CPSF4: variants seen among roughly 807,000 people sequenced by gnomAD.
The protein encoded by CPSF4 is cleavage and polyadenylation specific factor 4.
CPSF4 carries 11 observed loss-of-function variants against 37.7 expected under a neutral mutation model. The ratio of observed to expected loss-of-function variants is 0.29; its 90% CI spans 0.18 to 0.48. The LOEUF (loss-of-function observed/expected upper bound fraction) is 0.48. CPSF4 is among the 20% of genes least tolerant of loss of function. The pLI, the probability that CPSF4 is intolerant of heterozygous loss-of-function variation, is 0.99. For synonymous variants in CPSF4, 132 were observed against 135.9 expected (o/e 0.97, Z 0.20); for missense variants, 144 against 359.5 (o/e 0.40, Z 4.85).
At chr7:99,454,674 A>G (rs1010120034) in intron 7 of CPSF4, among the ~76,000 whole-genome samples, 3 of 152,102 alleles carry the variant, frequency 2.0e-5, no homozygotes, top group African/African-American at 7.2e-5. Context: ...TGATAGTTTG[A>G]CGTTATTAAT....
chr7:99,442,670 AAAAAAC>A (rs1797115223), intron 1 of CPSF4, among the ~76,000 whole-genome samples: 4 of 144,082 alleles, frequency 2.8e-5, no homozygotes, highest in South Asian at 4.2e-4. Flanking sequence ...AAAAAAAAAA[AAAAAAC>A]AAAAAACAAG....
At chr7:99,444,886 ACCT>A in intron 2 of CPSF4, 47 bp downstream of exon 2, 1 of 1,548,718 alleles carries the variant, frequency 6.5e-7, no homozygotes, top group Non-Finnish European at 8.9e-7. Flanking sequence ...GCGCCCTCCC[ACCT>A]CCTTCTCCCC....
intron 6 of CPSF4, 23 bp downstream of exon 6, chr7:99,452,463 G>A (rs373719941): frequency 2.5e-6 from 4 of 1,604,018 alleles, no homozygotes; most frequent in East Asian, 4.5e-5. Flanking sequence ...GCCTTCCTCG[G>A]TAGGAAGGAA....
At chr7:99,450,519 G>C (rs949845232) in intron 4 of CPSF4, 148 bp downstream of exon 4, 2 of 743,942 alleles carry the variant, frequency 2.7e-6, no homozygotes, top group African/African-American at 3.5e-5. Context: ...CATCTCCCTT[G>C]CCTCTCCCAA....
intron 1 of CPSF4, among the ~76,000 whole-genome samples, chr7:99,444,188 G>A (rs1223729475): frequency 6.6e-6 from 1 of 152,112 alleles, no homozygotes; most frequent in Non-Finnish European, 1.5e-5. Context: ...AGGCACTTTG[G>A]CTCAACGCCT....
At chr7:99,455,496 C>T (rs987482366) in intron 7 of CPSF4, among the ~76,000 whole-genome samples, 1 of 152,162 alleles carries the variant, frequency 6.6e-6, no homozygotes, top group African/African-American at 2.4e-5. Context: ...GTCAGGAGTT[C>T]GAGACCATCC....
chr7:99,450,647 C>T (rs1481592322), intron 4 of CPSF4, 55 bp from the exon 5 acceptor site: 1 of 1,386,274 alleles, frequency 7.2e-7, no homozygotes, highest in African/African-American at 1.4e-5. Context: ...AACCATGCTC[C>T]AGCTCTCTAA....
chr7:99,441,328 T>C (rs1373000423), intron 1 of CPSF4: 3 of 446,164 alleles, frequency 6.7e-6, no homozygotes, highest in African/African-American at 6.0e-5. Flanking sequence ...CTCCCACCCT[T>C]CTGCCATCTG....
At position 99,439,315 on chromosome 7, in the gene CPSF4, C is replaced by T. The variant is rs73711278; in HGVS notation, c.103+130C>T. The T allele has an allele frequency of 1.5e-3, 953 of 634,652 alleles. 12 individuals are homozygous for T. The African/African-American group carries it at 0.016, about 11-fold the overall frequency. 39.3% of individuals were successfully genotyped at this position (634,652 alleles called of 1,614,324 possible). ...TTCCTCTGGATCCTGGGACCCCTCC[C>T]CTTTGGTCGCAGGACTCCTCCCTCT... On this transcript the variant is annotated intron_variant, in intron 1 of 7. Transcript: ENST00000292476.
At chr7:99,446,107 A>T (rs1453821693) in intron 2 of CPSF4, among the ~76,000 whole-genome samples, 1 of 152,242 alleles carries the variant, frequency 6.6e-6, no homozygotes, top group African/African-American at 2.4e-5. Flanking sequence ...CCACTGAGGT[A>T]GGAGACTTTC....
intron 1 of CPSF4, among the ~76,000 whole-genome samples, chr7:99,442,385 T>C (rs947070561): frequency 2.0e-5 from 3 of 151,810 alleles, no homozygotes; most frequent in South Asian, 2.1e-4. Context: ...GGCCGGGCGT[T>C]GTGGCTCACA....
intron 2 of CPSF4, among the ~76,000 whole-genome samples, chr7:99,446,821 C>CTTTTTTTTTT (rs1797543686): frequency 2.7e-5 from 2 of 73,558 alleles, no homozygotes; most frequent in Non-Finnish European, 4.8e-5. Context: ...CGGAGTTTTG[C>CTTTTTTTTTT]TCTTGTTGCC....
intron 2 of CPSF4, among the ~76,000 whole-genome samples, chr7:99,445,444 G>A (rs34181258): frequency 7.1e-4 from 108 of 151,934 alleles, no homozygotes; most frequent in Non-Finnish European, 6.0e-4. Context: ...TTATTTGCTC[G>A]TCTCCAAACC....
At chr7:99,450,917 T>G (rs1584508731) in intron 5 of CPSF4, 122 bp downstream of exon 5, 1 of 692,152 alleles carries the variant, frequency 1.4e-6, no homozygotes, top group South Asian at 1.7e-5. Flanking sequence ...GGGCCAAGGG[T>G]GGGGGCAGGA....
chr7:99,440,942 CCTGT>C (rs1440217316), intron 1 of CPSF4, among the ~76,000 whole-genome samples: 1 of 148,194 alleles, frequency 6.7e-6, no homozygotes, highest in African/African-American at 2.5e-5. Flanking sequence ...GTGGCCTTTT[CCTGT>C]CTTTTTTTTT....
chr7:99,450,328 G>A lies in CPSF4; in HGVS notation c.360G>A (p.Lys120=). 1 of 1,613,996 alleles carries A rather than the reference G, an allele frequency of 6.2e-7. No individual in the cohort carries two copies. The highest frequency in any genetic ancestry group is 8.5e-7 in the Non-Finnish European group (1 of 1,179,960). The part of the protein sequence containing the change: ...CPFLHIDPES[K]IKDCPWYDRG... ...TCCTGCACATCGACCCCGAGTCCAA[G>A]ATCAAGGACTGTCCTTGGTATGACC... The change falls in exon 4 of 8, where the codon AAG becomes AAA. Residue 120 remains lysine (K), a synonymous_variant. Coordinates refer to ENST00000292476, the MANE Select transcript of CPSF4 (RefSeq NM_006693.4).
In CPSF4 at chr7:99,450,743, G is replaced by A. The variant is rs182798242; in HGVS notation, c.445G>A (p.Val149Met). The change falls in exon 5 of 8, where the codon GTG (valine) becomes ATG (methionine). Residue 149 changes from valine to methionine, a missense_variant. By Grantham distance (21) the Val-to-Met change is conservative (BLOSUM62 1). Around this residue, in one of 4 missense-constraint regions of CPSF4, gnomAD observed 86 missense variants for 141.5 expected, o/e 0.61. Transcript: ENST00000292476. ...RHRHTRRVIC[V>M]NYLVGFCPEG... is the part of the protein sequence containing the mutation. ...CCGGCACACACGGAGAGTCATCTGT[G>A]TGAATTACCTCGTGGGATTCTGCCC... is the stretch of plus-strand genomic sequence containing the variant. 1.9e-6 allele frequency: 3 copies of A among 1,614,148 alleles called. No homozygotes were observed. The highest frequency in any genetic ancestry group is 2.7e-5 in the African/African-American group (2 of 75,058).
chr7:99,447,733 G>A, intron 2 of CPSF4: 1 of 425,916 alleles, frequency 2.3e-6, no homozygotes, highest in Non-Finnish European at 4.9e-6. Context: ...GGGACTATAG[G>A]CGCCAGCCAC....
Position 99,453,326 on chromosome 7 carries a change from G to C in CPSF4, c.571-640G>C, listed in dbSNP as rs1191362657. Reference sequence around the variant, plus strand: ...AGGATGCGGAGGATGTAGCTGCGTGGAGGCGCCAATCACATTGAACTCTTG... The same window carrying C: ...AGGATGCGGAGGATGTAGCTGCGTGCAGGCGCCAATCACATTGAACTCTTG... On this transcript the variant is annotated intron_variant, in intron 6 of 7. Transcript: ENST00000292476. The surrounding 1 kb of genome is among the most constrained non-coding windows in gnomAD (Gnocchi z 4.7). 1 of 152,682 alleles carries C rather than the reference G, an allele frequency of 6.5e-6. No individual in the cohort carries two copies. The highest frequency in any genetic ancestry group is 1.5e-5 in the Non-Finnish European group (1 of 68,468). 9.5% of individuals were successfully genotyped at this position (152,682 alleles called of 1,614,324 possible). A position where few individuals can be genotyped will look rare whatever the true frequency, so the allele number is the denominator to read the frequency against.
Sources: allele counts gnomAD v4.1 joint callset (sites outside exome capture counted in the v4.1 genomes callset), GRCh38; gene constraint gnomAD v4.1.1; regional missense constraint gnomAD v4.1.1; non-coding constraint Gnocchi (gnomAD v3.1); transcripts MANE v1.5; gene names NCBI Gene and HGNC (gene_info 2026-07-23, HGNC 2026-07-21).